The following GINS3 variants were observed in gnomAD, a reference collection of about 807,000 sequenced individuals.
The protein encoded by GINS3 is DNA replication complex GINS protein PSF3.
In GINS3, 18 loss-of-function variants were observed where a neutral mutation model predicts 20.0. The ratio of observed to expected loss-of-function variants is 0.90; its 90% CI spans 0.62 to 1.33. The LOEUF (loss-of-function observed/expected upper bound fraction) is 1.33, where lower values mean the gene tolerates loss of function less well. Ranked by LOEUF, GINS3 falls within the 40% of genes most tolerant of loss-of-function variation. The pLI, the probability that GINS3 is intolerant of heterozygous loss-of-function variation, is 0.00. For synonymous variants in GINS3, 109 were observed against 107.0 expected, an observed-to-expected ratio of 1.02 and a Z score of -0.12; for missense variants, 254 against 273.6, an observed-to-expected ratio of 0.93 and a Z score of 0.51.
At chr16:58,396,999 G>A (rs904828690) in intron 1 of GINS3, among the ~76,000 whole-genome samples, 4 of 144,420 alleles carry the variant, frequency 2.8e-5, no homozygotes, top group Admixed American at 6.8e-5. Flanking sequence ...AGGAGAGGGC[G>A]GCTGGCTGGG....
chr16:58,392,744 T>C lies in GINS3; in HGVS notation c.143T>C (p.Leu48Pro). ...TAMPRLGAFF[L>P]ERSAGAETDN... ...ATGCCTCGCCTTGGCGCTTTCTTCC[T>C]GGAGCGGAGCGCAGGCGCCGAGACT... Residue 48 changes from leucine (L) to proline (P), a missense_variant, in exon 1 of 3, where the codon CTG (leucine) becomes CCG (proline). By Grantham distance (98) the Leu-to-Pro change is moderately conservative (BLOSUM62 -3). Coordinates refer to ENST00000318129, the MANE Select transcript of GINS3 (RefSeq NM_022770.4). 1 of 1,613,682 alleles carries C rather than the reference T, an allele frequency of 6.2e-7. No homozygotes were observed. Among genetic ancestry groups the C allele is most frequent in the Non-Finnish European group, 8.5e-7 (1 of 1,179,962 alleles).
chr16:58,393,828 C>CAAA, intron 1 of GINS3, among the ~76,000 whole-genome samples: 1 of 55,412 alleles, frequency 1.8e-5, no homozygotes, highest in East Asian at 6.6e-4. Flanking sequence ...GACTCCATCT[C>CAAA]AAAAAAAAAA....
chr16:58,395,597 T>C (rs1965842417), intron 1 of GINS3, among the ~76,000 whole-genome samples: 1 of 152,152 alleles, frequency 6.6e-6, no homozygotes, highest in Admixed American at 6.5e-5. Context: ...CCTTAATCCA[T>C]TCAACCCCTG....
intron 2 of GINS3, 179 bp downstream of exon 2, chr16:58,403,510 C>T (rs1965986040): frequency 1.7e-6 from 1 of 577,042 alleles, no homozygotes; most frequent in Non-Finnish European, 3.1e-6. Flanking sequence ...CACACACACA[C>T]ACACACACAC....
intron 1 of GINS3, among the ~76,000 whole-genome samples, chr16:58,399,244 A>C (rs1965922527): frequency 1.3e-5 from 2 of 151,532 alleles, no homozygotes; most frequent in Non-Finnish European, 2.9e-5. Context: ...AGCCTAGAAG[A>C]CCACTGCACT....
rs756231510 is a variant in GINS3, at chr16:58,403,196, T to C, written c.285T>C (p.Gly95=). ...SVELPKIYQE[G]WRTVFSADPN... ...AACTCCCCAAGATCTACCAAGAGGG[T>C]TGGAGGACTGTGTTCAGTGCAGATC... Residue 95 remains glycine, a synonymous_variant, in exon 2 of 3, where the codon GGT becomes GGC. Transcript: ENST00000318129. 2.5e-6 allele frequency: 4 copies of C among 1,614,066 alleles called. No homozygotes were observed. The highest frequency in any genetic ancestry group is 3.4e-6 in the Non-Finnish European group (4 of 1,180,022).
rs1021815285 is a variant in GINS3, at chr16:58,402,950, C to T, written c.187-148C>T. The stretch of plus-strand genomic sequence containing the variant: ...CTTCAGCCCACACACTTCATTGCTT[C>T]GAGTCACGACCAGGTCTTCTGTGCT... On this transcript the variant is annotated intron_variant, in intron 1 of 2. Transcript: ENST00000318129. 36 of 624,488 alleles carry T rather than the reference C, an allele frequency of 5.8e-5. No homozygotes were observed. The African/African-American group carries it at 6.1e-4, about 11-fold the overall frequency. 38.7% of individuals were successfully genotyped at this position (624,488 alleles called of 1,614,324 possible).
At position 58,397,478 on chromosome 16, in the gene GINS3, C is replaced by T. The variant is rs537368642; in HGVS notation, c.186+4691C>T. The stretch of plus-strand genomic sequence containing the variant: ...GGCAGCTGGGAGGTGGAGGTTGTAT[C>T]GAGCCGAGATCACGCCACTGCACTC... On this transcript the variant is annotated intron_variant, in intron 1 of 2. Transcript: ENST00000318129. 2.0e-3 allele frequency among the ~76,000 whole-genome samples: 301 copies of T among 151,922 alleles called. 2 individuals carry two copies. Among genetic ancestry groups the T allele is most frequent in the African/African-American group, 6.9e-3 (285 of 41,286 alleles).
chr16:58,394,109 A>G (rs1047796480), intron 1 of GINS3, among the ~76,000 whole-genome samples: 5 of 152,126 alleles, frequency 3.3e-5, no homozygotes, highest in African/African-American at 9.7e-5. Flanking sequence ...TGCTGCCCAT[A>G]CTTAATTCAT....
At chr16:58,394,946 G>T (rs559951821) in intron 1 of GINS3, among the ~76,000 whole-genome samples, 133 of 152,264 alleles carry the variant, frequency 8.7e-4, no homozygotes, top group African/African-American at 3.2e-3. Flanking sequence ...GAATCCTTCT[G>T]CATGGGAGAT....
At chr16:58,398,624 A>G (rs545905359) in intron 1 of GINS3, among the ~76,000 whole-genome samples, 2 of 152,340 alleles carry the variant, frequency 1.3e-5, no homozygotes, top group Admixed American at 6.5e-5. Flanking sequence ...GAAAATAAAT[A>G]AAAATTTTAA....
rs576006140 is a variant in GINS3 at position 58,397,472 on chromosome 16, T to G, written c.186+4685T>G. On this transcript the variant is annotated intron_variant, in intron 1 of 2. Coordinates refer to ENST00000318129, the MANE Select transcript of GINS3 (RefSeq NM_022770.4). ...AAGGCAGGCAGCTGGGAGGTGGAGG[T>G]TGTATCGAGCCGAGATCACGCCACT... 3.7e-3 allele frequency among the ~76,000 whole-genome samples: 559 copies of G among 151,108 alleles called. 4 individuals are homozygous for G. Among genetic ancestry groups the G allele is most frequent in the South Asian group, 0.02 (95 of 4,766 alleles).
intron 1 of GINS3, among the ~76,000 whole-genome samples, chr16:58,401,795 A>G (rs1303406546): frequency 6.6e-6 from 1 of 152,256 alleles, no homozygotes; most frequent in Admixed American, 6.5e-5. Flanking sequence ...CGTCACTCCC[A>G]TCTACAGCTG....
At chr16:58,394,577 C>G (rs568392155) in intron 1 of GINS3, among the ~76,000 whole-genome samples, 1 of 152,290 alleles carries the variant, frequency 6.6e-6, no homozygotes, top group African/African-American at 2.4e-5. Flanking sequence ...GAACTCCTGA[C>G]TTCAAGTGAT....
At position 58,403,190 on chromosome 16, in the gene GINS3, A is replaced by G; in HGVS notation, c.279A>G (p.Gln93=). Residue 93 remains glutamine (Q), a synonymous_variant, in exon 2 of 3, where the codon CAA becomes CAG. Transcript: ENST00000318129. ...ILSVELPKIY[Q]EGWRTVFSAD... is the part of the protein sequence containing the mutation. ...CTGTGGAACTCCCCAAGATCTACCAAGAGGGTTGGAGGACTGTGTTCAGTG... is the reference window on the plus strand; with the variant it reads ...CTGTGGAACTCCCCAAGATCTACCAGGAGGGTTGGAGGACTGTGTTCAGTG... The G allele has an allele frequency of 1.2e-6, 2 of 1,614,194 alleles. No individual in the cohort carries two copies. Among genetic ancestry groups the G allele is most frequent in the South Asian group, 1.1e-5 (1 of 91,080 alleles).
rs757683781 is a variant in GINS3, at chr16:58,404,653, G to T, written c.575G>T (p.Gly192Val). The T allele has an allele frequency of 9.9e-6, 16 of 1,614,084 alleles. No individual in the cohort carries two copies. Among genetic ancestry groups the T allele is most frequent in the Non-Finnish European group, 1.4e-5 (16 of 1,179,990 alleles). Residue 192 changes from glycine (G) to valine (V), a missense_variant, in exon 3 of 3, where the codon GGG becomes GTG. By Grantham distance (109) the Gly-to-Val change is moderately radical. Coordinates refer to ENST00000318129, the MANE Select transcript of GINS3 (RefSeq NM_022770.4). ...GLNDFQCWEK[G>V]QASQITASNL... Reference sequence around the variant, plus strand: ...AATGACTTTCAGTGTTGGGAGAAGGGGCAGGCTTCTCAGATCACAGCTTCC... The same window carrying T: ...AATGACTTTCAGTGTTGGGAGAAGGTGCAGGCTTCTCAGATCACAGCTTCC...
At position 58,405,461 on chromosome 16, in the gene GINS3, C is replaced by T. The variant is rs1033806218; in HGVS notation, c.*732C>T. 1.3e-5 allele frequency: 2 copies of T among 152,190 alleles called. No individual in the cohort carries two copies. Among genetic ancestry groups the T allele is most frequent in the African/African-American group, 4.8e-5 (2 of 41,444 alleles). 9.4% of individuals were successfully genotyped at this position (152,190 alleles called of 1,614,324 possible). Reference sequence around the variant, plus strand: ...CTCGGAGAGCCTAAGAGCACCCGCACACTTAATTCTACTCCCTGTCTAGAA... The same window carrying T: ...CTCGGAGAGCCTAAGAGCACCCGCATACTTAATTCTACTCCCTGTCTAGAA... On this transcript the variant is annotated 3_prime_UTR_variant, in exon 3 of 3. Transcript: ENST00000318129.
At position 58,395,333 on chromosome 16, in the gene GINS3, A is replaced by T. The variant is rs1369825876; in HGVS notation, c.186+2546A>T. 3.6e-3 allele frequency: 560 copies of T among 156,866 alleles called. 1 individual carries two copies. Among genetic ancestry groups the T allele is most frequent in the Non-Finnish European group, 4.8e-3 (417 of 86,146 alleles). The allele number at this position is 156,866 out of a possible 1,614,324, so 9.7% of individuals were successfully genotyped here. On this transcript the variant is annotated intron_variant, in intron 1 of 2. Coordinates refer to ENST00000318129, the MANE Select transcript of GINS3 (RefSeq NM_022770.4). ...TTCTGTAATATTTGTATATATATATATATATTTTTTTTTTAATTGATCATT... is the reference window on the plus strand; with the variant it reads ...TTCTGTAATATTTGTATATATATATTTATATTTTTTTTTTAATTGATCATT...
intron 1 of GINS3, among the ~76,000 whole-genome samples, chr16:58,395,552 C>T (rs1965841995): frequency 1.3e-5 from 2 of 152,066 alleles, no homozygotes; most frequent in Middle Eastern, 3.4e-3. Flanking sequence ...ATGCTGCCTT[C>T]AAGCATCTGT....
Sources: gnomAD v4.1 joint callset for allele counts (sites outside exome capture counted in the v4.1 genomes callset) on GRCh38, gnomAD v4.1.1 for gene constraint, MANE v1.5 for transcripts, NCBI Gene and HGNC (gene_info 2026-07-23, HGNC 2026-07-21) for gene names.